The following AGMO variants were observed in gnomAD, a reference collection of about 807,000 sequenced individuals.
AGMO encodes alkylglycerol monooxygenase, also known as glyceryl-ether monooxygenase.
In AGMO, 75 loss-of-function variants were observed where a neutral mutation model predicts 60.2. The observed-to-expected ratio is 1.25, with a 90% CI of 1.03 to 1.51. AGMO has a LOEUF of 1.51. Among genes scored for constraint, AGMO ranks in the 40% most tolerant of loss-of-function variants. The pLI is 0.00. For synonymous variants in AGMO, 261 were observed against 177.1 expected (o/e 1.47, Z -3.76); for missense variants, 763 against 525.5 (o/e 1.45, Z -4.42).
intron 12 of AGMO, among the ~76,000 whole-genome samples, chr7:15,298,708 T>C (rs1010075887): frequency 3.3e-5 from 5 of 152,164 alleles, no homozygotes; most frequent in African/African-American, 1.2e-4. Context: ...AGTCTATGTT[T>C]TTCTATATCA....
intron 3 of AGMO, among the ~76,000 whole-genome samples, chr7:15,527,209 G>C (rs1784149788): frequency 6.6e-6 from 1 of 152,172 alleles, no homozygotes; most frequent in African/African-American, 2.4e-5. Context: ...AAGATTAAAA[G>C]CTAGACCTCT....
the AGMO span, among the ~76,000 whole-genome samples, chr7:15,153,495 A>G: frequency 6.6e-6 from 1 of 152,024 alleles, no homozygotes; most frequent in Admixed American, 6.6e-5. Context: ...GAAGTCTTTG[A>G]TCCATTTTGA....
chr7:15,188,603 G>C, the AGMO span, among the ~76,000 whole-genome samples: 3 of 152,170 alleles, frequency 2.0e-5, no homozygotes, highest in African/African-American at 7.2e-5. Flanking sequence ...GCTAAGGAGT[G>C]AGTATAGACA....
chr7:15,458,749 C>T (rs1052807266), intron 3 of AGMO, among the ~76,000 whole-genome samples: 15 of 152,126 alleles, frequency 9.9e-5, no homozygotes, highest in African/African-American at 3.4e-4. Context: ...GAAAACTGAG[C>T]ATCAAAAGGG....
the AGMO span, among the ~76,000 whole-genome samples, chr7:15,119,097 A>C: frequency 6.6e-6 from 1 of 151,762 alleles, no homozygotes; most frequent in Non-Finnish European, 1.5e-5. Context: ...AGAGCAAGAC[A>C]TGAACAGTGA....
chr7:15,301,744 T>C (rs1241479050), intron 12 of AGMO, among the ~76,000 whole-genome samples: 1 of 152,174 alleles, frequency 6.6e-6, no homozygotes, highest in Non-Finnish European at 1.5e-5. Flanking sequence ...ATTGGATACA[T>C]AACAGTGAAA....
intron 8 of AGMO, 137 bp from the exon 9 acceptor site, chr7:15,387,677 T>C (rs1471042337): frequency 4.2e-6 from 3 of 711,678 alleles, no homozygotes; most frequent in East Asian, 2.7e-5. Flanking sequence ...GCAACAGAAA[T>C]GTGTAATTGC....
the AGMO span, among the ~76,000 whole-genome samples, chr7:15,184,261 GAGAAAGGGAGGAAAGAA>G: frequency 1.5e-5 from 2 of 136,600 alleles, no homozygotes; most frequent in African/African-American, 5.4e-5. Flanking sequence ...GGGAGGGAGG[GAGAAAGGGAGGAAAGAA>G]AAGGAAGGAA....
intron 3 of AGMO, among the ~76,000 whole-genome samples, chr7:15,472,072 C>T (rs955184568): frequency 2.0e-5 from 3 of 151,698 alleles, no homozygotes; most frequent in East Asian, 1.9e-4. Context: ...TTGATGAAAA[C>T]GTTTTGAAAG....
chr7:15,250,215 T>C (rs1390612836), intron 12 of AGMO, among the ~76,000 whole-genome samples: 3 of 152,176 alleles, frequency 2.0e-5, no homozygotes, highest in African/African-American at 7.2e-5. Flanking sequence ...TCCGCTGCAA[T>C]TAATTTTTCT....
Position 15,225,824 on chromosome 7 carries a change from G to C in AGMO, c.1264-24465C>G, listed in dbSNP as rs140478606. On this transcript the variant is annotated intron_variant, in intron 12 of 12. Coordinates refer to ENST00000342526, the MANE Select transcript of AGMO (RefSeq NM_001004320.2). ...TAAACACATTTTCTTAAATATTTAA[G>C]AGTTGATTAATCTGATAGATTCAAA... Among the ~76,000 whole-genome samples the C allele has an allele frequency of 4.8e-4, 73 of 152,052 alleles. No homozygotes were observed. In the East Asian group the frequency reaches 0.013, roughly 28 times the overall value.
intron 4 of AGMO, among the ~76,000 whole-genome samples, chr7:15,422,195 G>A (rs1780944669): frequency 6.6e-6 from 1 of 152,042 alleles, no homozygotes; most frequent in Non-Finnish European, 1.5e-5. Flanking sequence ...TTACCTCTAT[G>A]TTTCTCTGAT....
intron 12 of AGMO, among the ~76,000 whole-genome samples, chr7:15,340,248 GTGACC>G (rs1438065063): frequency 6.6e-6 from 1 of 152,046 alleles, no homozygotes; most frequent in Non-Finnish European, 1.5e-5. Context: ...CAGTTTGACT[GTGACC>G]CATCACATGT....
chr7:15,148,795 G>A, the AGMO span, among the ~76,000 whole-genome samples: 2 of 152,084 alleles, frequency 1.3e-5, no homozygotes, highest in African/African-American at 2.4e-5. Context: ...AAGTGCATGT[G>A]TCTTTTTGGT....
At chr7:15,392,130 C>T (rs994429072) in intron 6 of AGMO, among the ~76,000 whole-genome samples, 2 of 151,688 alleles carry the variant, frequency 1.3e-5, no homozygotes, top group East Asian at 2.0e-4. Context: ...AGTGCAGTGG[C>T]GCCATCTCGG....
intron 3 of AGMO, among the ~76,000 whole-genome samples, chr7:15,506,936 G>A (rs1246304602): frequency 2.0e-5 from 3 of 151,874 alleles, no homozygotes; most frequent in African/African-American, 7.3e-5. Context: ...TTCCTAAAAT[G>A]AGCAAGAAAA....
chr7:15,528,365 T>C (rs535566820), intron 3 of AGMO, among the ~76,000 whole-genome samples: 61 of 152,270 alleles, frequency 4.0e-4, no homozygotes, highest in Middle Eastern at 3.4e-3. Context: ...ATATTCACTT[T>C]ATCATGCTGG....
intron 3 of AGMO, among the ~76,000 whole-genome samples, chr7:15,450,692 G>A (rs1046518264): frequency 1.3e-5 from 2 of 151,990 alleles, no homozygotes; most frequent in African/African-American, 4.8e-5. Context: ...GATGCATAAA[G>A]CTCTTGGCTT....
At chr7:15,458,897 T>C (rs978604452) in intron 3 of AGMO, among the ~76,000 whole-genome samples, 1 of 152,160 alleles carries the variant, frequency 6.6e-6, no homozygotes, top group Non-Finnish European at 1.5e-5. Flanking sequence ...TAATTAGCTT[T>C]CCAAAACTTC....
Sources: gnomAD v4.1 joint callset for allele counts (sites outside exome capture counted in the v4.1 genomes callset) on GRCh38, gnomAD v4.1.1 for gene constraint, MANE v1.5 for transcripts, NCBI Gene and HGNC (gene_info 2026-07-23, HGNC 2026-07-21) for gene names.